Variants in DNAI7 observed in about 807,000 individuals in gnomAD.
The protein encoded by DNAI7 is cancer susceptibility 1.
DNAI7 carries 78 observed loss-of-function variants against 86.6 expected under a neutral mutation model. The observed-to-expected ratio is 0.90, with a 90% CI of 0.75 to 1.09. The LOEUF (loss-of-function observed/expected upper bound fraction) is 1.09. DNAI7 is among the 50% of genes least tolerant of loss of function. The probability of loss-of-function intolerance (pLI) is 0.00; values close to 1 mark genes in which losing one functional copy is unlikely to be tolerated. For synonymous variants in DNAI7, 274 were observed against 273.0 expected, an observed-to-expected ratio of 1.00 and a Z score of -0.04; for missense variants, 753 against 810.2, an observed-to-expected ratio of 0.93 and a Z score of 0.86.
chr12:25,166,525 G>A (rs1452103380), intron 2 of DNAI7, among the ~76,000 whole-genome samples: 1 of 152,152 alleles, frequency 6.6e-6, no homozygotes, highest in Non-Finnish European at 1.5e-5. Context: ...TTCACAGACA[G>A]CCCCCATTAC....
At chr12:25,188,107 C>T (rs1012112630) in intron 2 of DNAI7, among the ~76,000 whole-genome samples, 1 of 152,168 alleles carries the variant, frequency 6.6e-6, no homozygotes, top group African/African-American at 2.4e-5. Flanking sequence ...CAAACATCTT[C>T]TGTTGAAGAA....
chr12:25,117,783 C>T lies in DNAI7; in HGVS notation c.1396+1362G>A, dbSNP rs1465895609. Among the ~76,000 whole-genome samples, 3 of 152,108 alleles carry T rather than the reference C, an allele frequency of 2.0e-5. No homozygotes were observed. In the East Asian group the frequency reaches 5.8e-4, roughly 29 times the overall value. On this transcript the variant is annotated intron_variant, in intron 12 of 15. Transcript: ENST00000395987. The stretch of plus-strand genomic sequence containing the variant: ...CCCTTTCTCAGGTTTCCCATTTGCC[C>T]ATTCCTCATCCCCAATACTTGTGTA...
intron 8 of DNAI7, among the ~76,000 whole-genome samples, chr12:25,145,580 CA>C (rs564106936): frequency 1.8e-4 from 27 of 152,084 alleles, no homozygotes; most frequent in African/African-American, 5.5e-4. Flanking sequence ...AGATGTAAAC[CA>C]AAAAGTTGGT....
At chr12:25,174,582 CATAT>C (rs1225455973) in intron 2 of DNAI7, among the ~76,000 whole-genome samples, 7 of 54,854 alleles carry the variant, frequency 1.3e-4, no homozygotes, top group African/African-American at 5.9e-4. Flanking sequence ...GGATATATAT[CATAT>C]ATATGGGATA....
At chr12:25,171,112 G>A (rs180977059) in intron 2 of DNAI7, among the ~76,000 whole-genome samples, 5 of 150,858 alleles carry the variant, frequency 3.3e-5, no homozygotes, top group Admixed American at 3.3e-4. Context: ...GCAGAAGGAA[G>A]GAAATAACCA....
intron 14 of DNAI7, among the ~76,000 whole-genome samples, chr12:25,110,823 C>T (rs1938664413): frequency 6.6e-6 from 1 of 152,030 alleles, no homozygotes. Context: ...TAAATGTTTT[C>T]CTTCGACTGT....
intron 2 of DNAI7, among the ~76,000 whole-genome samples, chr12:25,174,698 G>GATATCATACATATGGAATATAT (rs1555181866): frequency 0.016 from 1,305 of 79,366 alleles, 141 homozygotes; most frequent in South Asian, 0.053. Context: ...ATGGAATATA[G>GATATCATACATATGGAATATAT]ATATCATACA....
intron 9 of DNAI7, among the ~76,000 whole-genome samples, chr12:25,132,696 A>G (rs1424144680): frequency 2.0e-5 from 3 of 150,526 alleles, no homozygotes; most frequent in Non-Finnish European, 4.4e-5. Flanking sequence ...TAATAACGGT[A>G]TGTGAAGACG....
chr12:25,121,405 G>C (rs1941272748), intron 11 of DNAI7, among the ~76,000 whole-genome samples: 1 of 152,196 alleles, frequency 6.6e-6, no homozygotes, highest in South Asian at 2.1e-4. Context: ...AGCTAGTAGG[G>C]ACCGCGAAGG....
chr12:25,128,662 T>C (rs2140558046), intron 9 of DNAI7, among the ~76,000 whole-genome samples: 1 of 152,308 alleles, frequency 6.6e-6, no homozygotes, highest in Non-Finnish European at 1.5e-5. Flanking sequence ...GTAAACTGTA[T>C]CACCATATGC....
At chr12:25,165,532 C>T (rs1232999957) in intron 2 of DNAI7, among the ~76,000 whole-genome samples, 3 of 152,200 alleles carry the variant, frequency 2.0e-5, no homozygotes, top group Non-Finnish European at 4.4e-5. Context: ...GTTCAACTGA[C>T]CTGGCAGCCA....
At chr12:25,172,428 A>G (rs1948243384) in intron 2 of DNAI7, among the ~76,000 whole-genome samples, 1 of 152,168 alleles carries the variant, frequency 6.6e-6, no homozygotes. Flanking sequence ...GAAAACTACA[A>G]AACACTGCTG....
At chr12:25,144,218 G>T in intron 9 of DNAI7, 147 bp downstream of exon 9, 1 of 655,508 alleles carries the variant, frequency 1.5e-6, no homozygotes, top group Non-Finnish European at 2.7e-6. Context: ...GCAAGAAAAA[G>T]ATACATATTA....
In DNAI7 at chr12:25,194,963, A is replaced by G. The variant is rs558952726; in HGVS notation, c.3+113T>C. ...ACCCCAAGGTATGAGTTATTTCCCA[A>G]ACCGACCCGCTTCGCTGTAAAATAT... On this transcript the variant is annotated intron_variant, in intron 1 of 15. Coordinates refer to ENST00000395987, the MANE Select transcript of DNAI7 (RefSeq NM_018272.5). 2.5e-6 allele frequency: 4 copies of G among 1,614,208 alleles called. No homozygotes were observed. The East Asian group carries it at 8.9e-5, about 36-fold the overall frequency.
At chr12:25,176,130 C>T (rs971959807) in intron 2 of DNAI7, among the ~76,000 whole-genome samples, 4 of 151,968 alleles carry the variant, frequency 2.6e-5, no homozygotes, top group Admixed American at 6.6e-5. Context: ...GATTTAATGA[C>T]CAATTTAAAA....
intron 6 of DNAI7, among the ~76,000 whole-genome samples, chr12:25,153,308 G>T (rs117573571): frequency 6.6e-6 from 1 of 152,202 alleles, no homozygotes; most frequent in East Asian, 1.9e-4. Context: ...TGTAATTCCA[G>T]CTATTGGGAG....
At chr12:25,151,097 T>C (rs1945486420) in intron 6 of DNAI7, among the ~76,000 whole-genome samples, 1 of 152,234 alleles carries the variant, frequency 6.6e-6, no homozygotes, top group Admixed American at 6.5e-5. Context: ...AGAAATTTTC[T>C]GAATTAAGAC....
intron 9 of DNAI7, among the ~76,000 whole-genome samples, chr12:25,135,194 C>T (rs1943400018): frequency 6.6e-6 from 1 of 152,210 alleles, no homozygotes; most frequent in Admixed American, 6.5e-5. Flanking sequence ...AACACACATC[C>T]TCACTGGAGA....
Position 25,170,907 on chromosome 12 carries a change from T to C in DNAI7, c.22-9710A>G, listed in dbSNP as rs949104579. ...GTCAAAAACGAAATCAAGATGAAAA[T>C]TGAAAAATTCTTCCAACTGAATGAC... is the stretch of plus-strand genomic sequence containing the variant. On this transcript the variant is annotated intron_variant, in intron 2 of 15. Transcript: ENST00000395987. Among the ~76,000 whole-genome samples, 9 of 152,098 alleles carry C rather than the reference T, an allele frequency of 5.9e-5. No individual in the cohort carries two copies. In the South Asian group the frequency reaches 6.2e-4, roughly 11 times the overall value.
Sources: gnomAD v4.1 joint callset for allele counts (sites outside exome capture counted in the v4.1 genomes callset) on GRCh38, gnomAD v4.1.1 for gene constraint, MANE v1.5 for transcripts, NCBI Gene and HGNC (gene_info 2026-07-23, HGNC 2026-07-21) for gene names.